TYW1B: variants seen among roughly 807,000 people sequenced by gnomAD.
TYW1B encodes the protein S-adenosyl-L-methionine-dependent tRNA 4-demethylwyosine synthase TYW1B.
A neutral mutation model predicts 86.9 loss-of-function variants in TYW1B; 73 were observed. The ratio of observed to expected loss-of-function variants is 0.84; its 90% CI spans 0.70 to 1.02. The LOEUF (loss-of-function observed/expected upper bound fraction) is 1.02. Ranked by LOEUF, TYW1B falls within the 50% of genes least tolerant of loss-of-function variation. The probability of loss-of-function intolerance (pLI) is 0.00; values close to 1 mark genes in which losing one functional copy is unlikely to be tolerated. For missense variants in TYW1B, 637 were observed against 827.4 expected (o/e 0.77, Z 2.82); for synonymous variants, 248 against 292.8 (o/e 0.85, Z 1.56).
chr7:72,736,556 G>A (rs573300480), intron 8 of TYW1B, among the ~76,000 whole-genome samples: 2 of 152,242 alleles, frequency 1.3e-5, no homozygotes, highest in South Asian at 4.1e-4. Flanking sequence ...ATGCATCCAT[G>A]ACCAAAATCC....
At chr7:72,618,250 T>G (rs1425489341) in intron 12 of TYW1B, among the ~76,000 whole-genome samples, 8 of 149,272 alleles carry the variant, frequency 5.4e-5, no homozygotes, top group Non-Finnish European at 1.0e-4. Context: ...TTTTTTTTTT[T>G]TTGTTGCCCA....
chr7:72,810,935 C>A (rs1788599085), intron 3 of TYW1B, among the ~76,000 whole-genome samples: 1 of 151,980 alleles, frequency 6.6e-6, no homozygotes, highest in South Asian at 2.1e-4. Context: ...ACATTCTCAT[C>A]ATTGCTGATT....
intron 10 of TYW1B, among the ~76,000 whole-genome samples, chr7:72,697,101 T>C (rs1554451638): frequency 1.4e-5 from 2 of 147,422 alleles, no homozygotes; most frequent in East Asian, 2.2e-4. Context: ...CATCATCTGA[T>C]AACTAACAGG....
chr7:72,639,495 GGAA>G (rs1554441227), intron 11 of TYW1B, among the ~76,000 whole-genome samples: 3 of 152,088 alleles, frequency 2.0e-5, no homozygotes, highest in African/African-American at 7.2e-5. Flanking sequence ...TCCTTCAGCT[GGAA>G]GAAGAGACAT....
intron 6 of TYW1B, among the ~76,000 whole-genome samples, chr7:72,797,550 C>A (rs1788325506): frequency 6.6e-6 from 1 of 152,100 alleles, no homozygotes; most frequent in Non-Finnish European, 1.5e-5. Context: ...GACCTTGTCT[C>A]TAGAAAGAAA....
intron 3 of TYW1B, among the ~76,000 whole-genome samples, chr7:72,812,284 G>A (rs1788635937): frequency 6.6e-6 from 1 of 152,036 alleles, no homozygotes; most frequent in Non-Finnish European, 1.5e-5. Flanking sequence ...TTTCATATAT[G>A]AAACAAAGTT....
intron 11 of TYW1B, among the ~76,000 whole-genome samples, chr7:72,635,710 T>A (rs1485356055): frequency 6.6e-6 from 1 of 152,258 alleles, no homozygotes; most frequent in Non-Finnish European, 1.5e-5. Flanking sequence ...TTTATGATTC[T>A]GCCTGATATG....
chr7:72,780,949 T>C (rs1788040386), intron 6 of TYW1B, among the ~76,000 whole-genome samples: 1 of 151,930 alleles, frequency 6.6e-6, no homozygotes, highest in African/African-American at 2.4e-5. Flanking sequence ...TATATTTTTG[T>C]GTATTTATTC....
chr7:72,668,817 C>T (rs1258774437), intron 11 of TYW1B, among the ~76,000 whole-genome samples: 3 of 152,164 alleles, frequency 2.0e-5, no homozygotes, highest in Non-Finnish European at 2.9e-5. Context: ...GGTTTTAAGT[C>T]TCAGTTCCGC....
At chr7:72,734,456 A>G (rs1478190875) in intron 8 of TYW1B, among the ~76,000 whole-genome samples, 18 of 152,130 alleles carry the variant, frequency 1.2e-4, no homozygotes, top group Admixed American at 3.3e-4. Flanking sequence ...AATCAACTCA[A>G]AACAGATTAA....
At chr7:72,787,888 T>C (rs1462474538) in intron 6 of TYW1B, among the ~76,000 whole-genome samples, 1 of 152,224 alleles carries the variant, frequency 6.6e-6, no homozygotes, top group Non-Finnish European at 1.5e-5. Context: ...GGAAAGGAGA[T>C]TAAAGCTAGG....
At chr7:72,600,068 T>A (rs1198634490) in intron 13 of TYW1B, among the ~76,000 whole-genome samples, 1 of 152,108 alleles carries the variant, frequency 6.6e-6, no homozygotes, top group Non-Finnish European at 1.5e-5. Flanking sequence ...ATAGCCAACA[T>A]AATAGTGAAG....
intron 13 of TYW1B, among the ~76,000 whole-genome samples, chr7:72,594,586 A>G (rs1188724665): frequency 6.6e-6 from 1 of 152,150 alleles, no homozygotes; most frequent in Non-Finnish European, 1.5e-5. Context: ...TTTAAAAGAG[A>G]ACTAACACCA....
At chr7:72,770,953 C>CTTTTTTTTT (rs202136569) in intron 7 of TYW1B, among the ~76,000 whole-genome samples, 1 of 87,482 alleles carries the variant, frequency 1.1e-5, no homozygotes, top group Non-Finnish European at 2.2e-5. Context: ...TATGAATTTC[C>CTTTTTTTTT]TTTTTTTTTT....
At chr7:72,633,269 C>T (rs1331530789) in intron 11 of TYW1B, among the ~76,000 whole-genome samples, 2 of 152,330 alleles carry the variant, frequency 1.3e-5, no homozygotes, top group Admixed American at 1.3e-4. Flanking sequence ...GGTGCGCTGC[C>T]TATGAGTTAG....
intron 7 of TYW1B, among the ~76,000 whole-genome samples, chr7:72,763,569 A>G (rs1368700550): frequency 6.6e-6 from 1 of 152,196 alleles, no homozygotes; most frequent in Admixed American, 6.6e-5. Context: ...GGCGTAAGCC[A>G]CCACACCCTG....
At chr7:72,812,996 TG>T (rs1399077563) in intron 3 of TYW1B, among the ~76,000 whole-genome samples, 1 of 151,868 alleles carries the variant, frequency 6.6e-6, no homozygotes, top group Non-Finnish European at 1.5e-5. Flanking sequence ...ACCTGGCCTC[TG>T]TTTTTTTTAA....
chr7:72,595,421 T>C (rs1179577276), intron 13 of TYW1B, among the ~76,000 whole-genome samples: 1 of 152,194 alleles, frequency 6.6e-6, no homozygotes, highest in Non-Finnish European at 1.5e-5. Context: ...TGGTGGCTCA[T>C]GCCTGTAATC....
intron 13 of TYW1B, among the ~76,000 whole-genome samples, chr7:72,593,509 A>ATATATTGGAGCATAATATCATC (rs1554431959): frequency 6.6e-6 from 1 of 152,022 alleles, no homozygotes; most frequent in Non-Finnish European, 1.5e-5. Context: ...TTCTCCAAGA[A>ATATATTGGAGCATAATATCATC]CAATGGGATG....
Sources: allele counts gnomAD v4.1 joint callset (sites outside exome capture counted in the v4.1 genomes callset), GRCh38; gene constraint gnomAD v4.1.1; transcripts MANE v1.5; gene names NCBI Gene and HGNC (gene_info 2026-07-23, HGNC 2026-07-21).